MAD1L1: variants seen among roughly 807,000 people sequenced by gnomAD.
MAD1L1 encodes mitotic arrest deficient 1 like 1.
In MAD1L1, 95 loss-of-function variants were observed where a neutral mutation model predicts 96.9. The ratio of observed to expected loss-of-function variants is 0.98; its 90% CI spans 0.83 to 1.16. MAD1L1 has a LOEUF of 1.16. Among genes scored for constraint, MAD1L1 ranks in the 50% most tolerant of loss-of-function variants. The pLI, the probability that MAD1L1 is intolerant of heterozygous loss-of-function variation, is 0.00. For missense variants in MAD1L1, 1,007 were observed against 954.4 expected (o/e 1.06, Z -0.73); for synonymous variants, 473 against 396.6 (o/e 1.19, Z -2.29).
At chr7:1,876,536 T>C (rs562526047) in intron 18 of MAD1L1, among the ~76,000 whole-genome samples, 35 of 152,194 alleles carry the variant, frequency 2.3e-4, no homozygotes, top group Non-Finnish European at 3.8e-4. Flanking sequence ...TACGATACCT[T>C]GGATTTGCTT....
intron 11 of MAD1L1, among the ~76,000 whole-genome samples, chr7:2,071,656 A>G (rs534678472): frequency 6.6e-6 from 1 of 152,200 alleles, no homozygotes; most frequent in African/African-American, 2.4e-5. Context: ...CTGAAGGCTG[A>G]GTGGTTCACC....
intron 16 of MAD1L1, among the ~76,000 whole-genome samples, chr7:1,955,267 G>A (rs1779675169): frequency 6.6e-6 from 1 of 152,254 alleles, no homozygotes; most frequent in Non-Finnish European, 1.5e-5. Flanking sequence ...GGAGCAGGGA[G>A]AGGAGAGGGC....
rs1251456344 is a variant in MAD1L1 at position 1,905,362 on chromosome 7, A to G, written c.1808-6972T>C. Among the ~76,000 whole-genome samples, 2 of 116,516 alleles carry G rather than the reference A, an allele frequency of 1.7e-5. 1 individual carries two copies. The highest frequency in any genetic ancestry group is 6.6e-4 in the South Asian group (2 of 3,048). The allele number at this position is 116,516 out of a possible 152,430, so 76.4% of individuals were successfully genotyped here. Reference sequence around the variant, plus strand: ...GTTCTTGTGGAACTCATGATTGATAAAGCACTGTTCCAGGCAGCGAGGATG... The same window carrying G: ...GTTCTTGTGGAACTCATGATTGATAGAGCACTGTTCCAGGCAGCGAGGATG... On this transcript the variant is annotated intron_variant, in intron 17 of 18. Transcript: ENST00000265854.
At chr7:1,875,267 G>A (rs1194378639) in intron 18 of MAD1L1, among the ~76,000 whole-genome samples, 1 of 152,206 alleles carries the variant, frequency 6.6e-6, no homozygotes, top group South Asian at 2.1e-4. Flanking sequence ...TGCACACCGA[G>A]GCCAGCTGAG....
chr7:2,207,604 C>G (rs557131479), intron 10 of MAD1L1, among the ~76,000 whole-genome samples: 2 of 152,332 alleles, frequency 1.3e-5, no homozygotes, highest in South Asian at 4.1e-4. Flanking sequence ...AGCTCCGCGC[C>G]TCTCCTCACA....
At chr7:2,032,323 C>T (rs1018288140) in intron 12 of MAD1L1, among the ~76,000 whole-genome samples, 22 of 152,248 alleles carry the variant, frequency 1.4e-4, no homozygotes, top group Admixed American at 6.5e-5. Context: ...AAGGCGCGCG[C>T]CCCAGGTCTC....
intron 11 of MAD1L1, among the ~76,000 whole-genome samples, chr7:2,125,066 G>A (rs73285790): frequency 0.02 from 2,970 of 152,288 alleles, 100 homozygotes; most frequent in African/African-American, 0.068. Flanking sequence ...CTAAGGATCC[G>A]GTCCTCACAG....
chr7:1,851,479 G>T (rs1218124145), intron 18 of MAD1L1, among the ~76,000 whole-genome samples: 1 of 152,200 alleles, frequency 6.6e-6, no homozygotes, highest in African/African-American at 2.4e-5. Context: ...GGAAGCCCCT[G>T]ATGAACTGTG....
chr7:1,828,630 C>T (rs1478797512), intron 18 of MAD1L1, among the ~76,000 whole-genome samples: 1 of 152,164 alleles, frequency 6.6e-6, no homozygotes, highest in Non-Finnish European at 1.5e-5. Flanking sequence ...AAACCGAGAC[C>T]CAGAGAACCA....
At chr7:2,154,448 C>T (rs1584441421) in intron 10 of MAD1L1, among the ~76,000 whole-genome samples, 2 of 152,270 alleles carry the variant, frequency 1.3e-5, no homozygotes, top group South Asian at 4.2e-4. Flanking sequence ...CTAGAGTTAA[C>T]AGTGTATTGT....
chr7:1,937,075 G>A (rs551347150), intron 16 of MAD1L1, among the ~76,000 whole-genome samples, 178 bp from the exon 17 acceptor site: 3 of 152,314 alleles, frequency 2.0e-5, no homozygotes, highest in African/African-American at 7.2e-5. Context: ...GGAAGGAGTG[G>A]CTCCTTCCCT....
chr7:2,062,885 G>C (rs1162795678), intron 12 of MAD1L1, among the ~76,000 whole-genome samples: 2 of 152,172 alleles, frequency 1.3e-5, no homozygotes, highest in Non-Finnish European at 2.9e-5. Flanking sequence ...GCAGCAAAAA[G>C]GAACACGCTG....
In MAD1L1 at chr7:2,148,847, G is replaced by A. The variant is rs1212894870; in HGVS notation, c.1073+305C>T. On this transcript the variant is annotated intron_variant, in intron 11 of 18. Transcript: ENST00000265854. ...CATGAGGCCCCAACCCTGCTGGGAA[G>A]ACAAGAACCCTCCTGATCCAAGGAG... Among the ~76,000 whole-genome samples the A allele has an allele frequency of 3.9e-5, 6 of 152,204 alleles. No individual in the cohort carries two copies. The East Asian group carries it at 1.2e-3, about 29-fold the overall frequency.
At chr7:2,030,362 G>A (rs1296599685) in intron 12 of MAD1L1, among the ~76,000 whole-genome samples, 1 of 152,202 alleles carries the variant, frequency 6.6e-6, no homozygotes, top group African/African-American at 2.4e-5. Flanking sequence ...ATTAGAGGGC[G>A]ATTGTAACAG....
chr7:1,867,729 G>T (rs1367676662), intron 18 of MAD1L1, among the ~76,000 whole-genome samples: 1 of 152,232 alleles, frequency 6.6e-6, no homozygotes, highest in Admixed American at 6.5e-5. Context: ...GGCTGTAGGG[G>T]ATGGGAGGGG....
chr7:1,871,681 T>C (rs1333040765), intron 18 of MAD1L1, among the ~76,000 whole-genome samples: 4 of 149,620 alleles, frequency 2.7e-5, no homozygotes, highest in African/African-American at 7.5e-5. Context: ...CCTGCCACGC[T>C]GAACCCAACA....
chr7:2,010,538 G>C (rs1562604478), intron 13 of MAD1L1, among the ~76,000 whole-genome samples: 1 of 152,210 alleles, frequency 6.6e-6, no homozygotes, highest in African/African-American at 2.4e-5. Flanking sequence ...CATGCTACGG[G>C]CTCCCGCAGC....
At chr7:1,924,819 G>A (rs1562528596) in intron 17 of MAD1L1, among the ~76,000 whole-genome samples, 1 of 152,148 alleles carries the variant, frequency 6.6e-6, no homozygotes, top group Admixed American at 6.5e-5. Flanking sequence ...ACAACATAAA[G>A]GGAGGCAGGG....
intron 18 of MAD1L1, among the ~76,000 whole-genome samples, chr7:1,824,633 C>G (rs1039124939): frequency 6.6e-6 from 1 of 152,186 alleles, no homozygotes; most frequent in Admixed American, 6.5e-5. Flanking sequence ...GAGGCTCCCC[C>G]ACCAGGACCC....
Sources: gnomAD v4.1 joint callset for allele counts (sites outside exome capture counted in the v4.1 genomes callset) on GRCh38, gnomAD v4.1.1 for gene constraint, MANE v1.5 for transcripts, NCBI Gene and HGNC (gene_info 2026-07-23, HGNC 2026-07-21) for gene names.